FSHR: variants seen among roughly 807,000 people sequenced by gnomAD.
FSHR encodes the protein follicle-stimulating hormone receptor.
A neutral mutation model predicts 52.1 loss-of-function variants in FSHR; 46 were observed. That is an observed-to-expected ratio of 0.88 (90% CI 0.70 to 1.13). The LOEUF (loss-of-function observed/expected upper bound fraction) is 1.13. Among genes scored for constraint, FSHR ranks in the 50% most tolerant of loss-of-function variants. FSHR has a pLI of 0.00. For synonymous variants in FSHR, 399 were observed against 309.6 expected, an observed-to-expected ratio of 1.29 and a Z score of -3.03; for missense variants, 964 against 834.6, an observed-to-expected ratio of 1.16 and a Z score of -1.91.
intron 9 of FSHR, 70 bp downstream of exon 9, chr2:48,968,628 A>T: frequency 2.6e-6 from 4 of 1,542,892 alleles, no homozygotes; most frequent in Non-Finnish European, 9.0e-7. Context: ...CATGTCACAG[A>T]TAGGTAGAAA....
chr2:49,001,151 G>T (rs912484172), intron 4 of FSHR, among the ~76,000 whole-genome samples: 2 of 152,016 alleles, frequency 1.3e-5, no homozygotes, highest in Non-Finnish European at 2.9e-5. Flanking sequence ...AATAATAATG[G>T]TTAATACTCA....
At chr2:49,037,334 T>C (rs542784611) in intron 2 of FSHR, among the ~76,000 whole-genome samples, 1 of 152,338 alleles carries the variant, frequency 6.6e-6, no homozygotes, top group Admixed American at 6.5e-5. Flanking sequence ...TAGCAGCAAA[T>C]GTTAGGATAT....
At position 49,033,421 on chromosome 2, in the gene FSHR, A is replaced by G. The variant is rs370148309; in HGVS notation, c.225-13261T>C. 5.9e-5 allele frequency among the ~76,000 whole-genome samples: 9 copies of G among 152,316 alleles called. No homozygotes were observed. The East Asian group carries it at 1.4e-3, about 23-fold the overall frequency. Reference sequence around the variant, plus strand: ...ATGGTTGGTTTTTCTTTCTTCTAGCACCTAAATGCTGTGCAAAAGTAAGGG... The same window carrying G: ...ATGGTTGGTTTTTCTTTCTTCTAGCGCCTAAATGCTGTGCAAAAGTAAGGG... On this transcript the variant is annotated intron_variant, in intron 2 of 9. Transcript: ENST00000406846.
chr2:49,111,668 C>G (rs1183524806), intron 1 of FSHR, among the ~76,000 whole-genome samples: 1 of 152,128 alleles, frequency 6.6e-6, no homozygotes, highest in African/African-American at 2.4e-5. Flanking sequence ...GACGGGGCCT[C>G]TCTTGACATA....
At chr2:49,136,924 C>G (rs961578020) in intron 1 of FSHR, among the ~76,000 whole-genome samples, 1 of 152,094 alleles carries the variant, frequency 6.6e-6, no homozygotes, top group Non-Finnish European at 1.5e-5. Flanking sequence ...TGGTGAGAGA[C>G]TGGATGATTT....
rs747111805 is a variant in FSHR, at chr2:49,065,345, G to T, written c.224+2874C>A. Among the ~76,000 whole-genome samples, 9 of 152,084 alleles carry T rather than the reference G, an allele frequency of 5.9e-5. No individual in the cohort carries two copies. The South Asian group carries it at 1.4e-3, about 24-fold the overall frequency. ...GCTTCATACAGTAGGTTATGTAAGT[G>T]ATGATGAGACTTTGGGTCTAATAGT... On this transcript the variant is annotated intron_variant, in intron 2 of 9. Coordinates refer to ENST00000406846, the MANE Select transcript of FSHR (RefSeq NM_000145.4).
At chr2:49,061,750 C>CTCTA (rs1446560542) in intron 2 of FSHR, among the ~76,000 whole-genome samples, 3 of 58,426 alleles carry the variant, frequency 5.1e-5, no homozygotes, top group African/African-American at 1.3e-4. Context: ...TTATATATAA[C>CTCTA]TATTTATATA....
At chr2:49,068,363 T>C in intron 1 of FSHR, 73 bp from the exon 2 acceptor site, 1 of 1,260,948 alleles carries the variant, frequency 7.9e-7, no homozygotes, top group Non-Finnish European at 1.2e-6. Flanking sequence ...TGTATTCATA[T>C]CAGCAAACAG....
intron 1 of FSHR, among the ~76,000 whole-genome samples, chr2:49,120,925 G>GTGATATAC (rs992936776): frequency 2.0e-5 from 3 of 152,164 alleles, no homozygotes; most frequent in African/African-American, 7.2e-5. Context: ...AAGATGCATT[G>GTGATATAC]TGATATACCA....
chr2:49,043,232 A>C (rs1252855828), intron 2 of FSHR, among the ~76,000 whole-genome samples: 1 of 151,988 alleles, frequency 6.6e-6, no homozygotes, highest in Non-Finnish European at 1.5e-5. Flanking sequence ...GGTTGCACTA[A>C]ACTATCCCAG....
chr2:49,097,973 T>C (rs1322861056), intron 1 of FSHR, among the ~76,000 whole-genome samples: 1 of 152,142 alleles, frequency 6.6e-6, no homozygotes, highest in Non-Finnish European at 1.5e-5. Flanking sequence ...AAATATTTGG[T>C]ATCTACCATT....
intron 1 of FSHR, among the ~76,000 whole-genome samples, chr2:49,088,068 T>C (rs1441889533): frequency 6.6e-6 from 1 of 152,128 alleles, no homozygotes; most frequent in Non-Finnish European, 1.5e-5. Context: ...CACTTATAGA[T>C]GAGGGCCCTG....
At chr2:49,114,664 G>A (rs998590617) in intron 1 of FSHR, among the ~76,000 whole-genome samples, 2 of 152,282 alleles carry the variant, frequency 1.3e-5, no homozygotes, top group African/African-American at 4.8e-5. Context: ...ATACCTTGGA[G>A]AGTGTAGTAA....
chr2:49,032,778 C>T (rs549199288), intron 2 of FSHR, among the ~76,000 whole-genome samples: 1 of 152,312 alleles, frequency 6.6e-6, no homozygotes, highest in East Asian at 1.9e-4. Flanking sequence ...TTCCTTCAAG[C>T]ACGCAATGCA....
Position 48,963,824 on chromosome 2 carries a change from A to G in FSHR, c.997T>C (p.Phe333Leu). The G allele has an allele frequency of 6.2e-7, 1 of 1,614,080 alleles. No individual in the cohort carries two copies. Among genetic ancestry groups the G allele is most frequent in the Non-Finnish European group, 8.5e-7 (1 of 1,179,992 alleles). Reference protein sequence around the residue: ...SRGFDMTYTEFDYDLCNEVVD... With the variant: ...SRGFDMTYTELDYDLCNEVVD... ...ACTTCATTGCATAAGTCATAGTCAA[A>G]CTCAGTGTACGTCATGTCAAATCCT... is the stretch of plus-strand genomic sequence containing the variant. The change falls in exon 10 of 10, where the codon TTT (phenylalanine) becomes CTT (leucine). Residue 333 changes from phenylalanine to leucine, a missense_variant. Phe to Leu is a conservative substitution (Grantham distance 22). Coordinates refer to ENST00000406846, the MANE Select transcript of FSHR (RefSeq NM_000145.4).
chr2:48,982,358 C>T (rs1675289789), intron 8 of FSHR, among the ~76,000 whole-genome samples: 5 of 151,954 alleles, frequency 3.3e-5, no homozygotes, highest in Admixed American at 2.0e-4. Flanking sequence ...GGAATGCATC[C>T]CAAGGGATTT....
chr2:48,997,969 A>G (rs1676096196), intron 4 of FSHR, among the ~76,000 whole-genome samples: 1 of 152,020 alleles, frequency 6.6e-6, no homozygotes, highest in African/African-American at 2.4e-5. Flanking sequence ...CTTCCTTCTG[A>G]TAAACCTGCC....
chr2:49,064,348 A>G (rs1669426789), intron 2 of FSHR, among the ~76,000 whole-genome samples: 1 of 118 alleles, frequency 8.5e-3, no homozygotes, highest in East Asian at 0.1. Context: ...CCCACACCAC[A>G]AGGGCCCATC....
At chr2:48,974,015 C>G (rs758191122) in intron 8 of FSHR, among the ~76,000 whole-genome samples, 2 of 152,062 alleles carry the variant, frequency 1.3e-5, no homozygotes, top group African/African-American at 4.8e-5. Context: ...GTCTGATAAG[C>G]AGACATGACT....
Sources: allele counts gnomAD v4.1 joint callset (sites outside exome capture counted in the v4.1 genomes callset), GRCh38; gene constraint gnomAD v4.1.1; transcripts MANE v1.5; gene names NCBI Gene and HGNC (gene_info 2026-07-23, HGNC 2026-07-21).